The following TTBK2 variants were observed in gnomAD, a reference collection of about 807,000 sequenced individuals.
TTBK2 encodes the protein tau-tubulin kinase 2.
TTBK2 carries 28 observed loss-of-function variants against 110.8 expected under a neutral mutation model. The observed-to-expected ratio is 0.25, with a 90% confidence interval of 0.19 to 0.35. The LOEUF is 0.35. TTBK2 is among the 10% of genes least tolerant of loss of function. The pLI is 1.00. For missense variants in TTBK2, 1,369 were observed against 1,500.3 expected (o/e 0.91, Z 1.45); for synonymous variants, 532 against 527.3 (o/e 1.01, Z -0.12).
Position 42,752,997 on chromosome 15 carries a change from T to C in TTBK2, c.2249A>G (p.Lys750Arg), listed in dbSNP as rs746274645. 2.5e-6 allele frequency: 4 copies of C among 1,614,204 alleles called. No individual in the cohort carries two copies. The highest frequency in any genetic ancestry group is 3.4e-6 in the Non-Finnish European group (4 of 1,180,030). Residue 750 changes from lysine to arginine, a missense_variant, in exon 14 of 15, where the codon AAA becomes AGA. Around this residue, in one of 4 missense-constraint regions of TTBK2, gnomAD observed 1,097 missense variants for 1,114.7 expected, o/e 0.98. Transcript: ENST00000267890. ...TTCTTTTGGTCCCAGGTCTTGAGATTTGTTACTTTCTCTAATGTTGGGTAA... is the reference window on the plus strand; with the variant it reads ...TTCTTTTGGTCCCAGGTCTTGAGATCTGTTACTTTCTCTAATGTTGGGTAA... Reference protein sequence around the residue: ...DMLPNIRESNKSQDLGPKELP... With the variant: ...DMLPNIRESNRSQDLGPKELP...
chr15:42,815,889 T>TAA (rs527437300), intron 7 of TTBK2, among the ~76,000 whole-genome samples: 1 of 100,896 alleles, frequency 9.9e-6, no homozygotes, highest in African/African-American at 5.7e-5. Context: ...TATATATATT[T>TAA]AAAAATATAT....
intron 1 of TTBK2, among the ~76,000 whole-genome samples, chr15:42,911,834 A>G (rs2030770962): frequency 6.6e-6 from 1 of 152,206 alleles, no homozygotes; most frequent in African/African-American, 2.4e-5. Flanking sequence ...AGTGCATGGG[A>G]AAATAAATGA....
chr15:42,801,992 C>G (rs771535501), intron 9 of TTBK2: 5 of 1,527,590 alleles, frequency 3.3e-6, no homozygotes, highest in Non-Finnish European at 4.5e-6. Flanking sequence ...ATGTAGCTCT[C>G]GAACATGTTG....
At chr15:42,812,264 A>G (rs961319507) in intron 7 of TTBK2, among the ~76,000 whole-genome samples, 15 of 151,308 alleles carry the variant, frequency 9.9e-5, no homozygotes, top group African/African-American at 3.6e-4. Flanking sequence ...CTAGGGCCCT[A>G]AAAGGGTTAC....
At position 42,752,327 on chromosome 15, in the gene TTBK2, G is replaced by C. The variant is rs766921712; in HGVS notation, c.2919C>G (p.Ala973=). 5 of 1,614,102 alleles carry C rather than the reference G, an allele frequency of 3.1e-6. No homozygotes were observed. In the African/African-American group the frequency reaches 4.0e-5, roughly 13 times the overall value. The change falls in exon 14 of 15, where the codon GCC becomes GCG. Residue 973 remains alanine, a synonymous_variant. Coordinates refer to ENST00000267890, the MANE Select transcript of TTBK2 (RefSeq NM_173500.4). ...SAKEKLLQKK[A]YQPDLVKLLV... is the part of the protein sequence containing the mutation. ...GAAGCTTGACTAGGTCTGGCTGATA[G>C]GCTTTCTTTTGGAGGAGCTTTTCTT...
intron 10 of TTBK2, 36 bp from the exon 11 acceptor site, chr15:42,783,671 A>G: frequency 6.8e-7 from 1 of 1,464,120 alleles, no homozygotes; most frequent in Non-Finnish European, 9.6e-7. Flanking sequence ...GCAAGAATCA[A>G]AAATTACTAT....
chr15:42,777,268 T>C, intron 11 of TTBK2, 26 bp from the exon 12 acceptor site: 1 of 1,609,354 alleles, frequency 6.2e-7, no homozygotes, highest in Non-Finnish European at 8.5e-7. Flanking sequence ...AATAAAATCA[T>C]GAAAAACATT....
At chr15:42,810,986 ATAAT>A (rs1595936020) in intron 8 of TTBK2, among the ~76,000 whole-genome samples, 1 of 152,192 alleles carries the variant, frequency 6.6e-6, no homozygotes, top group East Asian at 1.9e-4. Context: ...CCCAGAAAAA[ATAAT>A]TTATTTATTT....
At chr15:42,840,209 A>G (rs922452999) in intron 4 of TTBK2, 151 bp downstream of exon 4, 10 of 754,872 alleles carry the variant, frequency 1.3e-5, no homozygotes, top group Non-Finnish European at 2.3e-5. Context: ...GAAAATCTGT[A>G]TCAAGTCTGT....
At chr15:42,884,900 T>G (rs1007737966) in intron 1 of TTBK2, among the ~76,000 whole-genome samples, 3 of 151,984 alleles carry the variant, frequency 2.0e-5, no homozygotes, top group Non-Finnish European at 4.4e-5. Flanking sequence ...GTGATTTGTT[T>G]CCCCCCACCC....
intron 1 of TTBK2, among the ~76,000 whole-genome samples, chr15:42,900,731 A>G (rs551300514): frequency 2.0e-5 from 3 of 152,280 alleles, no homozygotes; most frequent in African/African-American, 7.2e-5. Context: ...CCCCACCAAA[A>G]AAAAACAGTA....
intron 3 of TTBK2, among the ~76,000 whole-genome samples, chr15:42,862,442 A>G (rs1020449498): frequency 6.6e-6 from 1 of 152,228 alleles, no homozygotes; most frequent in African/African-American, 2.4e-5. Flanking sequence ...CATGCAAATA[A>G]AAAAATGTGA....
At chr15:42,884,530 A>G (rs909631562) in intron 1 of TTBK2, among the ~76,000 whole-genome samples, 10 of 152,098 alleles carry the variant, frequency 6.6e-5, no homozygotes, top group African/African-American at 2.4e-4. Context: ...CACATCTGGG[A>G]TTTTGTTAAT....
At chr15:42,767,680 G>A (rs1195448074) in intron 13 of TTBK2, among the ~76,000 whole-genome samples, 1 of 152,120 alleles carries the variant, frequency 6.6e-6, no homozygotes, top group Non-Finnish European at 1.5e-5. Context: ...TTCTACCAGA[G>A]GTACAAAGAG....
At chr15:42,787,577 T>G (rs770385477) in intron 10 of TTBK2, among the ~76,000 whole-genome samples, 2 of 152,170 alleles carry the variant, frequency 1.3e-5, no homozygotes, top group Non-Finnish European at 2.9e-5. Flanking sequence ...CACAAGATTA[T>G]TTCTTACAAA....
intron 7 of TTBK2, among the ~76,000 whole-genome samples, chr15:42,814,655 A>C (rs765127884): frequency 4.6e-5 from 7 of 152,324 alleles, no homozygotes; most frequent in Non-Finnish European, 1.0e-4. Context: ...AGGGTTTCAG[A>C]GTATGGAAAA....
chr15:42,772,962 T>G (rs1490499152), intron 13 of TTBK2, among the ~76,000 whole-genome samples: 1 of 152,164 alleles, frequency 6.6e-6, no homozygotes, highest in African/African-American at 2.4e-5. Context: ...TACAAATCAC[T>G]TCAGGTTGTT....
At chr15:42,916,294 C>T (rs576709081) in intron 1 of TTBK2, among the ~76,000 whole-genome samples, 1 of 152,166 alleles carries the variant, frequency 6.6e-6, no homozygotes, top group East Asian at 1.9e-4. Context: ...TATTTTCCTC[C>T]CCTCATCTTC....
At chr15:42,905,088 T>C (rs2030304148) in intron 1 of TTBK2, among the ~76,000 whole-genome samples, 1 of 151,990 alleles carries the variant, frequency 6.6e-6, no homozygotes, top group East Asian at 1.9e-4. Flanking sequence ...GCCAGGCTGG[T>C]CTAGAACTCC....
Sources: allele counts gnomAD v4.1 joint callset (sites outside exome capture counted in the v4.1 genomes callset), GRCh38; gene constraint gnomAD v4.1.1; regional missense constraint gnomAD v4.1.1; transcripts MANE v1.5; gene names NCBI Gene and HGNC (gene_info 2026-07-23, HGNC 2026-07-21).